VAT1L: variants seen among roughly 807,000 people sequenced by gnomAD.
VAT1L encodes putative NADPH-dependent quinone oxidoreductase VAT1L.
VAT1L carries 34 observed loss-of-function variants against 44.1 expected under a neutral mutation model. The observed-to-expected ratio is 0.77, with a 90% confidence interval of 0.59 to 1.03. VAT1L has a LOEUF of 1.03. Among genes scored for constraint, VAT1L ranks in the 50% least tolerant of loss-of-function variants. The pLI, the probability that VAT1L is intolerant of heterozygous loss-of-function variation, is 0.00. For missense variants in VAT1L, 615 were observed against 538.8 expected, an observed-to-expected ratio of 1.14 and a Z score of -1.40; for synonymous variants, 253 against 202.2, an observed-to-expected ratio of 1.25 and a Z score of -2.13.
intron 7 of VAT1L, among the ~76,000 whole-genome samples, chr16:77,967,289 A>T (rs1027577081): frequency 7.2e-5 from 11 of 152,176 alleles, no homozygotes; most frequent in Admixed American, 5.9e-4. Context: ...AACTCAGCTA[A>T]TCATTGTGAT....
intron 1 of VAT1L, among the ~76,000 whole-genome samples, chr16:77,795,222 A>G (rs1286913912): frequency 6.6e-6 from 1 of 151,022 alleles, no homozygotes; most frequent in Non-Finnish European, 1.5e-5. Flanking sequence ...TAAAAAATTA[A>G]TAGCCACCAA....
At chr16:77,971,461 T>G (rs2018277177) in intron 7 of VAT1L, among the ~76,000 whole-genome samples, 1 of 152,024 alleles carries the variant, frequency 6.6e-6, no homozygotes, top group African/African-American at 2.4e-5. Flanking sequence ...TAAATAACAT[T>G]GAAGTAAGCA....
intron 7 of VAT1L, among the ~76,000 whole-genome samples, chr16:77,915,282 G>A (rs964839757): frequency 3.9e-5 from 6 of 152,162 alleles, no homozygotes; most frequent in South Asian, 4.1e-4. Flanking sequence ...ATTACCATTC[G>A]TAAATTGTGT....
intron 7 of VAT1L, among the ~76,000 whole-genome samples, chr16:77,965,176 C>G (rs556528831): frequency 1.3e-5 from 2 of 152,266 alleles, no homozygotes; most frequent in East Asian, 3.9e-4. Context: ...ACATCTGTTT[C>G]AGCCAGCTCC....
intron 7 of VAT1L, among the ~76,000 whole-genome samples, chr16:77,953,725 G>C (rs148437511): frequency 3.9e-5 from 6 of 152,080 alleles, no homozygotes; most frequent in Non-Finnish European, 7.4e-5. Context: ...GGAACTCCTG[G>C]ACTCAAGCAA....
chr16:77,814,254 C>G (rs2016313411), intron 1 of VAT1L, among the ~76,000 whole-genome samples: 1 of 152,194 alleles, frequency 6.6e-6, no homozygotes. Context: ...CGGGAGTACT[C>G]TGTTAACAAT....
chr16:77,935,628 G>T (rs2017786155), intron 7 of VAT1L, among the ~76,000 whole-genome samples: 1 of 151,946 alleles, frequency 6.6e-6, no homozygotes, highest in South Asian at 2.1e-4. Flanking sequence ...ATGAGTGGGG[G>T]GAAGAGAGAG....
chr16:77,967,054 C>T (rs2018230784), intron 7 of VAT1L, among the ~76,000 whole-genome samples: 1 of 152,002 alleles, frequency 6.6e-6, no homozygotes, highest in Non-Finnish European at 1.5e-5. Context: ...CTTCTGGGCA[C>T]TGTCACCCCC....
chr16:77,819,811 A>C (rs1420985905), intron 2 of VAT1L, among the ~76,000 whole-genome samples: 1 of 152,222 alleles, frequency 6.6e-6, no homozygotes. Flanking sequence ...CTGCTTTCTG[A>C]AATATAATGA....
intron 3 of VAT1L, among the ~76,000 whole-genome samples, chr16:77,845,657 C>T (rs146043987): frequency 6.6e-6 from 1 of 152,140 alleles, no homozygotes; most frequent in Non-Finnish European, 1.5e-5. Context: ...CAGTCGCTTT[C>T]TCTCCAGCCC....
chr16:77,896,888 A>C (rs1038580205), intron 7 of VAT1L, among the ~76,000 whole-genome samples: 6 of 152,226 alleles, frequency 3.9e-5, no homozygotes, highest in African/African-American at 9.6e-5. Flanking sequence ...TTTCCTTGTG[A>C]GCCAGGGACA....
intron 7 of VAT1L, among the ~76,000 whole-genome samples, chr16:77,903,353 TTCTTGAAA>T (rs2017404620): frequency 6.6e-6 from 1 of 152,204 alleles, no homozygotes; most frequent in Admixed American, 6.5e-5. Flanking sequence ...ATGCATTTGC[TTCTTGAAA>T]TAATTTTGGA....
intron 1 of VAT1L, among the ~76,000 whole-genome samples, chr16:77,816,112 C>T (rs1332249660): frequency 1.3e-5 from 2 of 151,410 alleles, no homozygotes; most frequent in Non-Finnish European, 2.9e-5. Context: ...TAAAAAGAGT[C>T]CAGGAGCATT....
chr16:77,953,010 G>C (rs1465539187), intron 7 of VAT1L, among the ~76,000 whole-genome samples: 1 of 151,986 alleles, frequency 6.6e-6, no homozygotes, highest in African/African-American at 2.4e-5. Context: ...TTTAAAACGA[G>C]GTCATATCAG....
At chr16:77,850,325 C>T (rs2016795817) in intron 3 of VAT1L, among the ~76,000 whole-genome samples, 1 of 152,160 alleles carries the variant, frequency 6.6e-6, no homozygotes, top group South Asian at 2.1e-4. Flanking sequence ...TAATATCATC[C>T]CAACTTTATA....
chr16:77,917,900 T>C (rs913471717), intron 7 of VAT1L, among the ~76,000 whole-genome samples: 6 of 152,184 alleles, frequency 3.9e-5, no homozygotes, highest in South Asian at 2.1e-4. Flanking sequence ...TGGAAATCAG[T>C]TGAAGCCAGA....
chr16:77,836,723 C>T (rs1455530933), intron 3 of VAT1L, among the ~76,000 whole-genome samples: 8 of 152,292 alleles, frequency 5.3e-5, no homozygotes, highest in South Asian at 2.1e-4. Flanking sequence ...TTCCAATCCA[C>T]GTCTATTGCT....
At chr16:77,913,284 A>C (rs2017517695) in intron 7 of VAT1L, among the ~76,000 whole-genome samples, 1 of 152,224 alleles carries the variant, frequency 6.6e-6, no homozygotes, top group Non-Finnish European at 1.5e-5. Flanking sequence ...ATTATATAAC[A>C]CATCTCTGTA....
intron 4 of VAT1L, among the ~76,000 whole-genome samples, chr16:77,867,259 C>T (rs909983458): frequency 6.6e-6 from 1 of 152,206 alleles, no homozygotes; most frequent in South Asian, 2.1e-4. Flanking sequence ...ATGTTCATTA[C>T]GTGGACGGTG....
Sources: allele counts gnomAD v4.1 joint callset (sites outside exome capture counted in the v4.1 genomes callset), GRCh38; gene constraint gnomAD v4.1.1; transcripts MANE v1.5; gene names NCBI Gene and HGNC (gene_info 2026-07-23, HGNC 2026-07-21).